TMOD2: variants seen among roughly 807,000 people sequenced by gnomAD.
TMOD2 encodes the protein tropomodulin 2.
TMOD2 carries 22 observed loss-of-function variants against 39.9 expected under a neutral mutation model. That is an observed-to-expected ratio of 0.55 (90% CI 0.39 to 0.79). The LOEUF (loss-of-function observed/expected upper bound fraction) is 0.79. Among genes scored for constraint, TMOD2 ranks in the 30% least tolerant of loss-of-function variants. The pLI is 0.00. For missense variants in TMOD2, 386 were observed against 413.3 expected (o/e 0.93, Z 0.57); for synonymous variants, 123 against 146.1 (o/e 0.84, Z 1.14).
At chr15:51,806,007 T>C (rs1187649501) in intron 8 of TMOD2, among the ~76,000 whole-genome samples, 3 of 152,030 alleles carry the variant, frequency 2.0e-5, no homozygotes, top group South Asian at 2.1e-4. Flanking sequence ...TACAAAATAG[T>C]TTCATTATTT....
intron 1 of TMOD2, among the ~76,000 whole-genome samples, chr15:51,765,647 T>C (rs923015720): frequency 5.3e-5 from 8 of 152,078 alleles, no homozygotes; most frequent in Non-Finnish European, 1.0e-4. Context: ...GGTGAATATT[T>C]AGAAGTGAGG....
intron 1 of TMOD2, among the ~76,000 whole-genome samples, chr15:51,755,743 A>G (rs1365091588): frequency 1.3e-5 from 2 of 152,102 alleles, no homozygotes; most frequent in African/African-American, 2.4e-5. Context: ...CACATCATCT[A>G]GGTAAGCACT....
chr15:51,756,822 C>T (rs2055745453), intron 1 of TMOD2, among the ~76,000 whole-genome samples: 1 of 152,158 alleles, frequency 6.6e-6, no homozygotes, highest in South Asian at 2.1e-4. Flanking sequence ...TCATCCTCTG[C>T]AAGTATTTCC....
intron 9 of TMOD2, among the ~76,000 whole-genome samples, chr15:51,807,341 T>C (rs1361354842): frequency 6.6e-6 from 1 of 152,102 alleles, no homozygotes; most frequent in Non-Finnish European, 1.5e-5. Flanking sequence ...AGATAGAAGC[T>C]AAAGGTTAGA....
chr15:51,752,561 C>G (rs1056651381), intron 1 of TMOD2: 1 of 152,208 alleles, frequency 6.6e-6, no homozygotes, highest in Non-Finnish European at 1.5e-5. Context: ...AAACCAGGTT[C>G]TCCTCTTAGC....
At chr15:51,775,543 CAG>C (rs577470953) in intron 4 of TMOD2, among the ~76,000 whole-genome samples, 204 of 149,678 alleles carry the variant, frequency 1.4e-3, no homozygotes, top group African/African-American at 4.9e-3. Flanking sequence ...GTCCCCTTCA[CAG>C]AGACACAGTG....
In TMOD2 at chr15:51,812,253, T is replaced by G. The variant is rs1455645946; in HGVS notation, c.*3799T>G. 5 of 152,116 alleles carry G rather than the reference T, an allele frequency of 3.3e-5. No homozygotes were observed. The East Asian group carries it at 9.6e-4, about 29-fold the overall frequency. 9.4% of individuals were successfully genotyped at this position (152,116 alleles called of 1,614,324 possible). A position where few individuals can be genotyped will look rare whatever the true frequency, so the allele number is the denominator to read the frequency against. On this transcript the variant is annotated 3_prime_UTR_variant, in exon 10 of 10. Transcript: ENST00000249700. ...CAGTGCCTGTACTCCTCAAACCAAT[T>G]TCCCTAAGGGAAGACTGGCACACCA...
At chr15:51,773,372 T>A (rs1011144432) in intron 3 of TMOD2, among the ~76,000 whole-genome samples, 7 of 152,236 alleles carry the variant, frequency 4.6e-5, no homozygotes, top group African/African-American at 1.7e-4. Flanking sequence ...TAGTATGGGG[T>A]TCTCTAAAGT....
chr15:51,807,947 T>C lies in TMOD2; in HGVS notation c.1022-473T>C, dbSNP rs185085387. On this transcript the variant is annotated intron_variant, in intron 9 of 9. Transcript: ENST00000249700. Reference sequence around the variant, plus strand: ...TTGCCAAGTGAATCACACCTTCCTGTAGGTTGATACTTAGAAGTTTTTATT... The same window carrying C: ...TTGCCAAGTGAATCACACCTTCCTGCAGGTTGATACTTAGAAGTTTTTATT... Among the ~76,000 whole-genome samples, 4 of 152,292 alleles carry C rather than the reference T, an allele frequency of 2.6e-5. No individual in the cohort carries two copies. The East Asian group carries it at 7.7e-4, about 29-fold the overall frequency.
intron 7 of TMOD2, among the ~76,000 whole-genome samples, chr15:51,792,947 G>A (rs1048771904): frequency 2.0e-5 from 3 of 152,056 alleles, no homozygotes; most frequent in African/African-American, 7.2e-5. Context: ...AACCACCATG[G>A]CACGTGTATA....
intron 7 of TMOD2, among the ~76,000 whole-genome samples, chr15:51,797,732 G>A (rs2056060815): frequency 6.6e-6 from 1 of 151,878 alleles, no homozygotes; most frequent in African/African-American, 2.4e-5. Flanking sequence ...ATTTATACAT[G>A]ATCTGAAATA....
intron 7 of TMOD2, chr15:51,783,763 A>T (rs547400384): frequency 2.0e-5 from 3 of 151,690 alleles, no homozygotes; most frequent in South Asian, 2.1e-4. Context: ...AGATAGATAG[A>T]TAGATAGATA....
At position 51,809,306 on chromosome 15, in the gene TMOD2, A is replaced by G. The variant is rs1023486728; in HGVS notation, c.*852A>G. Reference sequence around the variant, plus strand: ...TTCCTGAATAAAACAACAATATTGTATCTTAATCAAGGCTGTCTGATGCAG... The same window carrying G: ...TTCCTGAATAAAACAACAATATTGTGTCTTAATCAAGGCTGTCTGATGCAG... On this transcript the variant is annotated 3_prime_UTR_variant, in exon 10 of 10. Transcript: ENST00000249700. 1.0e-4 allele frequency: 16 copies of G among 152,658 alleles called. No homozygotes were observed. The highest frequency in any genetic ancestry group is 3.9e-4 in the African/African-American group (16 of 41,470). 9.5% of individuals were successfully genotyped at this position (152,658 alleles called of 1,614,324 possible).
At chr15:51,771,970 C>T (rs149077491) in intron 3 of TMOD2, among the ~76,000 whole-genome samples, 2 of 152,292 alleles carry the variant, frequency 1.3e-5, no homozygotes, top group Non-Finnish European at 2.9e-5. Flanking sequence ...CCCAGACTGA[C>T]GACAAGCAGT....
In TMOD2 at chr15:51,806,422, C is replaced by T; in HGVS notation, c.922C>T (p.Leu308=). Residue 308 remains leucine (L), a synonymous_variant, in exon 9 of 10, where the codon CTG becomes TTG. Coordinates refer to ENST00000249700, the MANE Select transcript of TMOD2 (RefSeq NM_014548.4). ...TGTAGAGATGGAAATTGCCCAGATG[C>T]TGGAGGAGAATTCAAGGATCCTCAA... ...TAVEMEIAQM[L]EENSRILKFG... The T allele has an allele frequency of 6.2e-7, 1 of 1,614,176 alleles. No homozygotes were observed.
chr15:51,795,361 G>A lies in TMOD2; in HGVS notation c.733-2836G>A, dbSNP rs1427010754. On this transcript the variant is annotated intron_variant, in intron 7 of 9. Coordinates refer to ENST00000249700, the MANE Select transcript of TMOD2 (RefSeq NM_014548.4). ...GAATTGCTTGAACCAGGAGATGGAG[G>A]TTACAGTGAGCCGACACAGTGCCAC... Among the ~76,000 whole-genome samples, 3 of 150,844 alleles carry A rather than the reference G, an allele frequency of 2.0e-5. No individual in the cohort carries two copies. In the East Asian group the frequency reaches 5.9e-4, roughly 30 times the overall value.
At position 51,810,826 on chromosome 15, in the gene TMOD2, A is replaced by G. The variant is rs968164935; in HGVS notation, c.*2372A>G. ...CTGGACCCTATAGAGCATTCCTTGC[A>G]GCCCCACAGTGCTGTGGGCTGGGGG... On this transcript the variant is annotated 3_prime_UTR_variant, in exon 10 of 10. Coordinates refer to ENST00000249700, the MANE Select transcript of TMOD2 (RefSeq NM_014548.4). 6.8e-6 allele frequency: 1 copy of G among 147,912 alleles called. No homozygotes were observed. Among genetic ancestry groups the G allele is most frequent in the African/African-American group, 2.5e-5 (1 of 39,778 alleles). 9.2% of individuals were successfully genotyped at this position (147,912 alleles called of 1,614,324 possible). A position where few individuals can be genotyped will look rare whatever the true frequency, so the allele number is the denominator to read the frequency against.
At chr15:51,779,972 A>G (rs1276653908) in intron 5 of TMOD2, among the ~76,000 whole-genome samples, 1 of 152,188 alleles carries the variant, frequency 6.6e-6, no homozygotes, top group Admixed American at 6.5e-5. Flanking sequence ...GTGAGCCACC[A>G]TGCCTGGCTC....
At chr15:51,778,889 C>T (rs2055909723) in intron 5 of TMOD2, among the ~76,000 whole-genome samples, 2 of 151,974 alleles carry the variant, frequency 1.3e-5, no homozygotes, top group Admixed American at 1.3e-4. Flanking sequence ...TTGGGAGATG[C>T]TTTCTAATCT....
Sources: allele counts gnomAD v4.1 joint callset (sites outside exome capture counted in the v4.1 genomes callset), GRCh38; gene constraint gnomAD v4.1.1; transcripts MANE v1.5; gene names NCBI Gene and HGNC (gene_info 2026-07-23, HGNC 2026-07-21).